PLCB1: variants seen among roughly 807,000 people sequenced by gnomAD.
The protein encoded by PLCB1 is phospholipase C beta 1.
A neutral mutation model predicts 161.8 loss-of-function variants in PLCB1; 46 were observed. That is an observed-to-expected ratio of 0.28 (90% CI 0.22 to 0.36). The LOEUF (loss-of-function observed/expected upper bound fraction) is 0.36, where lower values mean the gene tolerates loss of function less well. PLCB1 is among the 10% of genes least tolerant of loss of function. PLCB1 has a pLI of 1.00. For missense variants in PLCB1, 1,016 were observed against 1,472.5 expected, an observed-to-expected ratio of 0.69 and a Z score of 5.07; for synonymous variants, 517 against 503.7, an observed-to-expected ratio of 1.03 and a Z score of -0.35.
At chr20:8,831,936 T>G (rs201860800) in intron 31 of PLCB1, among the ~76,000 whole-genome samples, 1 of 65,104 alleles carries the variant, frequency 1.5e-5, no homozygotes, top group South Asian at 7.2e-4. Context: ...CTTTCTTTCT[T>G]TCTTTCTTTC....
At chr20:8,690,565 GTCCA>G (rs1337469621) in intron 10 of PLCB1, among the ~76,000 whole-genome samples, 2 of 152,130 alleles carry the variant, frequency 1.3e-5, no homozygotes, top group African/African-American at 4.8e-5. Flanking sequence ...GCAGTAGTTG[GTCCA>G]TGAGAATTCA....
intron 3 of PLCB1, among the ~76,000 whole-genome samples, chr20:8,443,813 C>A (rs1300672218): frequency 6.6e-6 from 1 of 152,162 alleles, no homozygotes; most frequent in Non-Finnish European, 1.5e-5. Flanking sequence ...CCAGCTCTTA[C>A]CAGTTACAAT....
At chr20:8,533,309 T>C (rs1600133747) in intron 3 of PLCB1, among the ~76,000 whole-genome samples, 3 of 150,982 alleles carry the variant, frequency 2.0e-5, no homozygotes, top group African/African-American at 7.4e-5. Flanking sequence ...TTGTGAATAA[T>C]GCCGCAATAA....
At chr20:8,555,289 A>G (rs1464164978) in intron 3 of PLCB1, among the ~76,000 whole-genome samples, 1 of 152,102 alleles carries the variant, frequency 6.6e-6, no homozygotes, top group Admixed American at 6.6e-5. Flanking sequence ...CAAGGTAGGC[A>G]ATGGATCATG....
chr20:8,413,786 C>T (rs1979150099), intron 3 of PLCB1, among the ~76,000 whole-genome samples: 1 of 152,180 alleles, frequency 6.6e-6, no homozygotes, highest in African/African-American at 2.4e-5. Context: ...TCAGATTAGA[C>T]TTTAAAACTC....
At chr20:8,429,802 T>A (rs1004149471) in intron 3 of PLCB1, among the ~76,000 whole-genome samples, 1 of 152,060 alleles carries the variant, frequency 6.6e-6, no homozygotes, top group African/African-American at 2.4e-5. Flanking sequence ...TCTTTTCAGC[T>A]TCTAATTGAG....
intron 2 of PLCB1, among the ~76,000 whole-genome samples, chr20:8,268,216 G>A (rs1258495636): frequency 6.6e-6 from 1 of 152,056 alleles, no homozygotes; most frequent in Non-Finnish European, 1.5e-5. Flanking sequence ...AACATGCGGT[G>A]TTTGGTTTTT....
intron 3 of PLCB1, among the ~76,000 whole-genome samples, chr20:8,387,778 A>G (rs2136277): frequency 0.53 from 80,469 of 151,810 alleles, 21,914 homozygotes; most frequent in African/African-American, 0.66. Flanking sequence ...AGAAAGTTGC[A>G]TGGTGGTTGC....
chr20:8,378,200 T>C (rs1213369929), intron 3 of PLCB1, among the ~76,000 whole-genome samples: 2 of 152,180 alleles, frequency 1.3e-5, no homozygotes, highest in Non-Finnish European at 2.9e-5. Flanking sequence ...TTTTGACACA[T>C]GCTACAACCT....
rs16994453 is a variant in PLCB1 at position 8,150,296 on chromosome 20, C to T, written c.102C>T (p.Asp34=). The change falls in exon 2 of 32, where the codon GAC becomes GAT. Residue 34 remains aspartate (D), a splice_region_variant and synonymous_variant. Coordinates refer to ENST00000338037, the MANE Select transcript of PLCB1 (RefSeq NM_015192.4). The stretch of plus-strand genomic sequence containing the variant: ...CATGTTTCTTCTTACATTTCTAGGA[C>T]TCAACTATTGTTACTCCAATTATTT... ...KGTKFVKWDD[D]STIVTPIILR... 0.15 allele frequency: 218,968 copies of T among 1,427,118 alleles called. 17,701 individuals are homozygous for T. Among genetic ancestry groups the T allele is most frequent in the African/African-American group, 0.22 (15,670 of 70,262 alleles). 88.4% of individuals were successfully genotyped at this position (1,427,118 alleles called of 1,614,324 possible).
intron 3 of PLCB1, among the ~76,000 whole-genome samples, chr20:8,546,436 A>G (rs1037379319): frequency 2.0e-5 from 3 of 151,986 alleles, no homozygotes; most frequent in Non-Finnish European, 4.4e-5. Context: ...TTTTTCTAAT[A>G]TATGATACAT....
intron 4 of PLCB1, among the ~76,000 whole-genome samples, chr20:8,643,050 A>T (rs937650313): frequency 6.6e-6 from 1 of 152,258 alleles, no homozygotes; most frequent in African/African-American, 2.4e-5. Flanking sequence ...CTGTGTCGGC[A>T]TAAAGCTTGG....
intron 3 of PLCB1, among the ~76,000 whole-genome samples, chr20:8,543,333 G>T (rs750462976): frequency 9.2e-5 from 14 of 152,252 alleles, no homozygotes; most frequent in Admixed American, 7.2e-4. Context: ...TCTGAGTGGG[G>T]TGGCAAAACT....
Position 8,276,926 on chromosome 20 carries a change from T to TTTCTTCTTCTTCTTCTTCTTC in PLCB1, c.178-94414_178-94394dup, listed in dbSNP as rs752434070. 1.3e-4 allele frequency among the ~76,000 whole-genome samples: 14 copies of TTTCTTCTTCTTCTTCTTCTTC among 104,826 alleles called. 1 individual carries two copies. Among genetic ancestry groups the TTTCTTCTTCTTCTTCTTCTTC allele is most frequent in the South Asian group, 3.8e-4 (1 of 2,626 alleles). The allele number at this position is 104,826 out of a possible 152,430, so 68.8% of individuals were successfully genotyped here. On this transcript the variant is annotated intron_variant, in intron 2 of 31. Coordinates refer to ENST00000338037, the MANE Select transcript of PLCB1 (RefSeq NM_015192.4). ...TTGGGTAGCTTCTTCGTCTTCTTCT[T>TTTCTTCTTCTTCTTCTTCTTC]TTCTTCTTCTTCTTCTTCTTCTTCT...
chr20:8,248,471 T>A (rs1342508111), intron 2 of PLCB1, among the ~76,000 whole-genome samples: 1 of 151,848 alleles, frequency 6.6e-6, no homozygotes. Context: ...AAATAAAGCA[T>A]GTAAAAGCTG....
At chr20:8,154,168 C>G (rs181994153) in intron 2 of PLCB1, among the ~76,000 whole-genome samples, 2 of 152,172 alleles carry the variant, frequency 1.3e-5, no homozygotes, top group Admixed American at 1.3e-4. Flanking sequence ...CTACAATTTC[C>G]TTTTTACCAT....
At chr20:8,876,621 T>C (rs1048286008) in intron 31 of PLCB1, among the ~76,000 whole-genome samples, 2 of 152,190 alleles carry the variant, frequency 1.3e-5, no homozygotes, top group African/African-American at 4.8e-5. Context: ...TTTGCTAAGT[T>C]GATGAGTCTA....
At chr20:8,348,647 C>A (rs1263250665) in intron 2 of PLCB1, among the ~76,000 whole-genome samples, 1 of 152,190 alleles carries the variant, frequency 6.6e-6, no homozygotes, top group African/African-American at 2.4e-5. Flanking sequence ...CTCCTACCTC[C>A]AGGCTTCTTT....
chr20:8,696,918 A>G (rs1990597031), intron 10 of PLCB1, among the ~76,000 whole-genome samples: 1 of 152,066 alleles, frequency 6.6e-6, no homozygotes, highest in Admixed American at 6.6e-5. Context: ...TGTTTTTAGC[A>G]GAGATGGGGT....
Sources: gnomAD v4.1 joint callset for allele counts (sites outside exome capture counted in the v4.1 genomes callset) on GRCh38, gnomAD v4.1.1 for gene constraint, MANE v1.5 for transcripts, NCBI Gene and HGNC (gene_info 2026-07-23, HGNC 2026-07-21) for gene names.